ZNF507: variants seen among roughly 807,000 people sequenced by gnomAD.
ZNF507 encodes the protein zinc finger protein 507.
Under a neutral mutation model 80.0 loss-of-function variants are expected in ZNF507, and 29 were observed. That is an observed-to-expected ratio of 0.36 (90% confidence interval 0.27 to 0.49). ZNF507 has a LOEUF of 0.49. Ranked by LOEUF, ZNF507 falls within the 20% of genes least tolerant of loss-of-function variation. The pLI, the probability that ZNF507 is intolerant of heterozygous loss-of-function variation, is 0.98. For synonymous variants in ZNF507, 462 were observed against 422.5 expected, an observed-to-expected ratio of 1.09 and a Z score of -1.15; for missense variants, 1,081 against 1,152.2, an observed-to-expected ratio of 0.94 and a Z score of 0.90.
At chr19:32,375,186 C>T (rs1179456002) in intron 5 of ZNF507, among the ~76,000 whole-genome samples, 12 of 152,092 alleles carry the variant, frequency 7.9e-5, no homozygotes, top group Non-Finnish European at 1.5e-4. Flanking sequence ...CCTCAGAGGA[C>T]ATTTGCCGAT....
Position 32,353,450 on chromosome 19 carries a change from G to T in ZNF507, c.620G>T (p.Arg207Ile). 1 of 1,614,190 alleles carries T rather than the reference G, an allele frequency of 6.2e-7. No individual in the cohort carries two copies. The highest frequency in any genetic ancestry group is 8.5e-7 in the Non-Finnish European group (1 of 1,180,024). The part of the protein sequence containing the change: ...SSSLCRKTTE[R>I]NETIPDIPVS... Reference sequence around the variant, plus strand: ...TCTTTGTGTCGGAAAACCACAGAAAGAAATGAAACCATTCCAGATATCCCA... The same window carrying T: ...TCTTTGTGTCGGAAAACCACAGAAATAAATGAAACCATTCCAGATATCCCA... The change falls in exon 3 of 7, where the codon AGA becomes ATA. Residue 207 changes from arginine (R) to isoleucine (I), a missense_variant. This residue lies in a region of ZNF507 where 275 missense variants were observed against 303.9 expected (regional missense o/e 0.90). Coordinates refer to ENST00000355898, the MANE Select transcript of ZNF507 (RefSeq NM_001136156.2).
At chr19:32,356,872 A>T (rs1424090827) in intron 4 of ZNF507, 139 bp downstream of exon 4, 1 of 673,200 alleles carries the variant, frequency 1.5e-6, no homozygotes, top group African/African-American at 1.8e-5. Flanking sequence ...AGTGAATCTG[A>T]TCTCTGTTTC....
At chr19:32,378,332 G>A (rs1002573941) in intron 5 of ZNF507, among the ~76,000 whole-genome samples, 3 of 152,074 alleles carry the variant, frequency 2.0e-5, no homozygotes, top group African/African-American at 7.2e-5. Context: ...CAGCCTGGGC[G>A]CCAGAGTGAA....
chr19:32,359,784 C>T (rs1324358446), intron 4 of ZNF507: 1 of 152,234 alleles, frequency 6.6e-6, no homozygotes. Context: ...TTATACATTG[C>T]ATAGCACTTA....
At chr19:32,349,205 C>T (rs1397601368) in intron 2 of ZNF507, among the ~76,000 whole-genome samples, 2 of 152,226 alleles carry the variant, frequency 1.3e-5, no homozygotes, top group Non-Finnish European at 2.9e-5. Flanking sequence ...TGATCTCACT[C>T]TGCTACCTCC....
intron 4 of ZNF507, among the ~76,000 whole-genome samples, chr19:32,360,017 C>T (rs1408189110): frequency 6.6e-6 from 1 of 152,120 alleles, no homozygotes; most frequent in East Asian, 1.9e-4. Flanking sequence ...CATGAGCCAC[C>T]ACACCTAGCC....
intron 3 of ZNF507, among the ~76,000 whole-genome samples, chr19:32,356,358 T>C (rs1277962434): frequency 6.6e-6 from 1 of 152,212 alleles, no homozygotes; most frequent in Non-Finnish European, 1.5e-5. Context: ...ACACGCCCTG[T>C]GTAATCACCT....
rs764400112 is a variant in ZNF507 at position 32,356,700 on chromosome 19, A to G, written c.2212A>G (p.Ser738Gly). 6.2e-6 allele frequency: 10 copies of G among 1,614,136 alleles called. No homozygotes were observed. The highest frequency in any genetic ancestry group is 8.5e-6 in the Non-Finnish European group (10 of 1,179,972). Reference protein sequence around the residue: ...IATSNEPRISSDTADGKCVQE... With the variant: ...IATSNEPRISGDTADGKCVQE... ...AACTTCTAATGAGCCAAGAATTTCCAGTGATACAGCTGATGGAAAATGTGT... is the reference window on the plus strand; with the variant it reads ...AACTTCTAATGAGCCAAGAATTTCCGGTGATACAGCTGATGGAAAATGTGT... The change falls in exon 4 of 7, where the codon AGT becomes GGT. Residue 738 changes from serine to glycine, a missense_variant. Physicochemically the swap from Ser to Gly is moderately conservative, Grantham distance 56. Coordinates refer to ENST00000355898, the MANE Select transcript of ZNF507 (RefSeq NM_001136156.2).
chr19:32,370,121 C>T (rs933598125), intron 5 of ZNF507, among the ~76,000 whole-genome samples: 4 of 152,226 alleles, frequency 2.6e-5, no homozygotes, highest in South Asian at 4.1e-4. Flanking sequence ...TGCGCACGCG[C>T]GTGCACGTCA....
chr19:32,372,107 C>T (rs1299835086), intron 5 of ZNF507, among the ~76,000 whole-genome samples: 1 of 152,082 alleles, frequency 6.6e-6, no homozygotes, highest in Non-Finnish European at 1.5e-5. Flanking sequence ...AGTGTATTTT[C>T]ATAGGATGGA....
At chr19:32,362,752 G>C (rs1967346349) in intron 5 of ZNF507, among the ~76,000 whole-genome samples, 1 of 152,198 alleles carries the variant, frequency 6.6e-6, no homozygotes, top group African/African-American at 2.4e-5. Flanking sequence ...AACATCCCGT[G>C]AGCATCCTCT....
intron 2 of ZNF507, among the ~76,000 whole-genome samples, chr19:32,349,521 C>G (rs1019800565): frequency 6.6e-6 from 1 of 152,226 alleles, no homozygotes; most frequent in Non-Finnish European, 1.5e-5. Context: ...AATGCTGTTA[C>G]TTTTTAACTT....
In ZNF507 at chr19:32,354,849, C is replaced by G; in HGVS notation, c.2019C>G (p.Ile673Met). Residue 673 changes from isoleucine to methionine, a missense_variant, in exon 3 of 7, where the codon ATC (isoleucine) becomes ATG (methionine). Around this residue, in one of 6 missense-constraint regions of ZNF507, gnomAD observed 614 missense variants for 583.9 expected, o/e 1.05. Coordinates refer to ENST00000355898, the MANE Select transcript of ZNF507 (RefSeq NM_001136156.2). The part of the protein sequence containing the change: ...HRQRQPYQCP[I>M]CEHIADNSKD... Reference sequence around the variant, plus strand: ...AGAGACAGCCTTATCAGTGTCCTATCTGCGAGCACATAGCGGACAACAGCA... The same window carrying G: ...AGAGACAGCCTTATCAGTGTCCTATGTGCGAGCACATAGCGGACAACAGCA... 6.2e-7 allele frequency: 1 copy of G among 1,614,196 alleles called. No homozygotes were observed. The highest frequency in any genetic ancestry group is 2.2e-5 in the East Asian group (1 of 44,878).
intron 5 of ZNF507, among the ~76,000 whole-genome samples, chr19:32,374,624 G>A (rs1041706015): frequency 3.3e-5 from 5 of 151,938 alleles, no homozygotes; most frequent in African/African-American, 4.8e-5. Flanking sequence ...TGGGATTACA[G>A]GCACCCGCCA....
chr19:32,378,461 T>C (rs892175827), intron 5 of ZNF507, among the ~76,000 whole-genome samples: 17 of 152,108 alleles, frequency 1.1e-4, no homozygotes, highest in African/African-American at 3.4e-4. Flanking sequence ...AGAAACAGGA[T>C]GTTAAGTACA....
chr19:32,366,260 A>G (rs1223143158), intron 5 of ZNF507, among the ~76,000 whole-genome samples: 1 of 152,180 alleles, frequency 6.6e-6, no homozygotes, highest in Admixed American at 6.5e-5. Flanking sequence ...AAAATTGCAT[A>G]AATCATAAAG....
chr19:32,364,343 T>C (rs1436259364), intron 5 of ZNF507, among the ~76,000 whole-genome samples: 1 of 152,240 alleles, frequency 6.6e-6, no homozygotes, highest in Non-Finnish European at 1.5e-5. Flanking sequence ...TTTTAAATTT[T>C]ATTTTTCCAT....
At chr19:32,349,345 G>A (rs1202572297) in intron 2 of ZNF507, among the ~76,000 whole-genome samples, 1 of 152,216 alleles carries the variant, frequency 6.6e-6, no homozygotes, top group Non-Finnish European at 1.5e-5. Flanking sequence ...GAGGGCAAAT[G>A]GATGATGTCT....
chr19:32,361,634 CTTCCTTCCTTCT>C (rs950054088), intron 5 of ZNF507, among the ~76,000 whole-genome samples: 1 of 151,740 alleles, frequency 6.6e-6, no homozygotes, highest in Non-Finnish European at 1.5e-5. Context: ...CAGTGTCTTC[CTTCCTTCCTTCT>C]TTCCTTCCTT....
Sources: gnomAD v4.1 joint callset for allele counts (sites outside exome capture counted in the v4.1 genomes callset) on GRCh38, gnomAD v4.1.1 for gene constraint, gnomAD v4.1.1 regional missense constraint, MANE v1.5 for transcripts, NCBI Gene and HGNC (gene_info 2026-07-23, HGNC 2026-07-21) for gene names.